SS18L1: variants seen among roughly 807,000 people sequenced by gnomAD.
SS18L1 encodes calcium-responsive transactivator.
In SS18L1, 32 loss-of-function variants were observed where a neutral mutation model predicts 70.3. The ratio of observed to expected loss-of-function variants is 0.46; its 90% CI spans 0.34 to 0.61. The LOEUF is 0.61. Among genes scored for constraint, SS18L1 ranks in the 20% least tolerant of loss-of-function variants. The pLI is 0.01. For synonymous variants in SS18L1, 237 were observed against 229.7 expected (o/e 1.03, Z -0.29); for missense variants, 430 against 542.1 (o/e 0.79, Z 2.05).
intron 6 of SS18L1, among the ~76,000 whole-genome samples, chr20:62,163,844 G>A (rs1451981831): frequency 1.3e-5 from 2 of 152,078 alleles, no homozygotes; most frequent in Non-Finnish European, 2.9e-5. Context: ...CAGTGTTGGG[G>A]GCAGGGGCGG....
At chr20:62,172,328 G>GAA (rs59726721) in intron 8 of SS18L1, among the ~76,000 whole-genome samples, 1 of 137,072 alleles carries the variant, frequency 7.3e-6, no homozygotes, top group Non-Finnish European at 1.6e-5. Flanking sequence ...CCCTGTCTCT[G>GAA]AAAAAAAAAA....
At chr20:62,166,213 G>A (rs1227548180) in intron 8 of SS18L1, among the ~76,000 whole-genome samples, 1 of 152,250 alleles carries the variant, frequency 6.6e-6, no homozygotes, top group East Asian at 1.9e-4. Context: ...ATGATCGCCT[G>A]CGGGATTGCG....
At chr20:62,162,294 TTTG>T (rs909028301) in intron 4 of SS18L1, among the ~76,000 whole-genome samples, 18 of 149,892 alleles carry the variant, frequency 1.2e-4, no homozygotes, top group African/African-American at 4.6e-4. Context: ...TGTACGCTGC[TTTG>T]TTTTCTTTTC....
chr20:62,163,632 G>C lies in SS18L1; in HGVS notation c.721+10G>C. 2 of 1,562,060 alleles carry C rather than the reference G, an allele frequency of 1.3e-6. No individual in the cohort carries two copies. The highest frequency in any genetic ancestry group is 1.7e-6 in the Non-Finnish European group (2 of 1,159,008). On this transcript the variant is annotated intron_variant, in intron 6 of 10. Transcript: ENST00000331758. ...CGGCCCTCCCAGCAAGGTAACGCCC[G>C]GCCGGGCCAGGTCGCGGGCACAGCT...
intron 1 of SS18L1, among the ~76,000 whole-genome samples, chr20:62,148,574 A>G (rs1192339233): frequency 6.8e-6 from 1 of 148,116 alleles, no homozygotes; most frequent in Non-Finnish European, 1.5e-5. Context: ...TAGGTGAGGG[A>G]GGCTCAGCCT....
intron 8 of SS18L1, among the ~76,000 whole-genome samples, chr20:62,170,609 C>T (rs780454378): frequency 3.3e-5 from 5 of 152,272 alleles, no homozygotes; most frequent in Non-Finnish European, 7.3e-5. Context: ...TGGGCTCCCC[C>T]GAGCCCTGCA....
Position 62,159,430 on chromosome 20 carries a change from C to T in SS18L1, c.147-447C>T, listed in dbSNP as rs1280716454. On this transcript the variant is annotated intron_variant, in intron 2 of 10. Coordinates refer to ENST00000331758, the MANE Select transcript of SS18L1 (RefSeq NM_198935.3). This position sits in a 1 kb window ranked among gnomAD's most constrained non-coding sequence, Gnocchi z 4.4. ...GAGGTATACGAGGGGCCTTCCCTGG[C>T]AGAACTGTGCTTCCCCATTTCTTTC... Among the ~76,000 whole-genome samples, 1 of 152,144 alleles carries T rather than the reference C, an allele frequency of 6.6e-6. No homozygotes were observed. Among genetic ancestry groups the T allele is most frequent in the Admixed American group, 6.5e-5 (1 of 15,274 alleles).
Position 62,158,758 on chromosome 20 carries a change from C to A in SS18L1, c.146+10C>A. 6.2e-7 allele frequency: 1 copy of A among 1,612,962 alleles called. No individual in the cohort carries two copies. The highest frequency in any genetic ancestry group is 8.5e-7 in the Non-Finnish European group (1 of 1,179,998). ...CGGCCGAGTGCACGCAGTGAGTGCCCGCCATACACCGGAACACTTGGAGGG... is the reference window on the plus strand; with the variant it reads ...CGGCCGAGTGCACGCAGTGAGTGCCAGCCATACACCGGAACACTTGGAGGG... On this transcript the variant is annotated intron_variant, in intron 2 of 10. Coordinates refer to ENST00000331758, the MANE Select transcript of SS18L1 (RefSeq NM_198935.3). This position sits in a 1 kb window ranked among gnomAD's most constrained non-coding sequence, Gnocchi z 4.5.
chr20:62,147,355 C>G (rs2057049954), intron 1 of SS18L1, among the ~76,000 whole-genome samples: 1 of 152,094 alleles, frequency 6.6e-6, no homozygotes, highest in African/African-American at 2.4e-5. Context: ...CCCACGGTGG[C>G]CCTGGGCCTG....
At position 62,174,236 on chromosome 20, in the gene SS18L1, C is replaced by T. The variant is rs1408781912; in HGVS notation, c.1037-281C>T. Among the ~76,000 whole-genome samples the T allele has an allele frequency of 6.6e-6, 1 of 151,924 alleles. No homozygotes were observed. Among genetic ancestry groups the T allele is most frequent in the Non-Finnish European group, 1.5e-5 (1 of 67,984 alleles). On this transcript the variant is annotated intron_variant, in intron 9 of 10. Transcript: ENST00000331758. The surrounding 1 kb of genome is among the most constrained non-coding windows in gnomAD (Gnocchi z 4.1). ...CAGTTCTGGGGTGATGGAGAGAGCC[C>T]ATCAGCCCTCGCCATGCTGGTGGGG... is the stretch of plus-strand genomic sequence containing the variant.
chr20:62,170,874 C>T (rs1325277535), intron 8 of SS18L1, among the ~76,000 whole-genome samples: 1 of 152,062 alleles, frequency 6.6e-6, no homozygotes, highest in Non-Finnish European at 1.5e-5. Flanking sequence ...TGGCCCGTTT[C>T]CTACAAACTG....
At chr20:62,144,023 G>A (rs1323866961) in intron 1 of SS18L1, 134 bp downstream of exon 1, 2 of 462,988 alleles carry the variant, frequency 4.3e-6, no homozygotes, top group Non-Finnish European at 5.6e-6. Flanking sequence ...GAGCCCCGAC[G>A]GCGGCCCCGT....
chr20:62,170,189 C>T (rs957412862), intron 8 of SS18L1, among the ~76,000 whole-genome samples: 14 of 152,304 alleles, frequency 9.2e-5, no homozygotes, highest in African/African-American at 2.6e-4. Flanking sequence ...ACGGGCACCC[C>T]GCAGAATGCC....
At chr20:62,170,962 T>C (rs1473352537) in intron 8 of SS18L1, among the ~76,000 whole-genome samples, 1 of 151,690 alleles carries the variant, frequency 6.6e-6, no homozygotes, top group African/African-American at 2.4e-5. Context: ...AGTGCAGTGA[T>C]GCGATCTCGG....
intron 5 of SS18L1, among the ~76,000 whole-genome samples, chr20:62,163,195 G>C (rs1396751361): frequency 6.6e-6 from 1 of 152,198 alleles, no homozygotes; most frequent in Admixed American, 6.5e-5. Flanking sequence ...GCCCCAGGGA[G>C]TGGGGGCCAC....
chr20:62,144,550 C>T (rs1324400756), intron 1 of SS18L1, among the ~76,000 whole-genome samples: 8 of 152,250 alleles, frequency 5.3e-5, no homozygotes, highest in Non-Finnish European at 1.0e-4. Context: ...TCCGTATCCT[C>T]GCGGCTACGC....
At chr20:62,146,852 C>G (rs943171803) in intron 1 of SS18L1, among the ~76,000 whole-genome samples, 3 of 151,992 alleles carry the variant, frequency 2.0e-5, no homozygotes, top group African/African-American at 7.3e-5. Context: ...CTCCCGACCC[C>G]AAGTGATCTG....
chr20:62,175,002 G>A (rs1015753066), intron 10 of SS18L1: 22 of 833,254 alleles, frequency 2.6e-5, no homozygotes, highest in African/African-American at 7.4e-5. Flanking sequence ...CTTATGTCTC[G>A]CTACAGAGAC....
chr20:62,162,924 C>G lies in SS18L1; in HGVS notation c.549C>G (p.Ser183=). 1 of 1,611,796 alleles carries G rather than the reference C, an allele frequency of 6.2e-7. No homozygotes were observed. Among genetic ancestry groups the G allele is most frequent in the South Asian group, 1.1e-5 (1 of 91,008 alleles). ...YVSRTNINMQ[S]NPVSMMQQQA... ...CTCGGACCAACATCAACATGCAGTC[C>G]AACCCAGGTACCTACTCTGCCTCTG... The change falls in exon 5 of 11, where the codon TCC becomes TCG. Residue 183 remains serine, a synonymous_variant. Transcript: ENST00000331758.
Sources: allele counts gnomAD v4.1 joint callset (sites outside exome capture counted in the v4.1 genomes callset), GRCh38; gene constraint gnomAD v4.1.1; non-coding constraint Gnocchi (gnomAD v3.1); transcripts MANE v1.5; gene names NCBI Gene and HGNC (gene_info 2026-07-23, HGNC 2026-07-21).